NKAIN2: variants seen among roughly 807,000 people sequenced by gnomAD.
NKAIN2 encodes sodium/potassium-transporting ATPase subunit beta-1-interacting protein 2.
Under a neutral mutation model 32.6 loss-of-function variants are expected in NKAIN2, and 14 were observed. The ratio of observed to expected loss-of-function variants is 0.43; its 90% CI spans 0.28 to 0.67. The LOEUF (loss-of-function observed/expected upper bound fraction) is 0.67. Ranked by LOEUF, NKAIN2 falls within the 30% of genes least tolerant of loss-of-function variation. The probability of loss-of-function intolerance (pLI) is 0.17; values close to 1 mark genes in which losing one functional copy is unlikely to be tolerated. For missense variants in NKAIN2, 198 were observed against 258.3 expected (o/e 0.77, Z 1.60); for synonymous variants, 80 against 87.2 (o/e 0.92, Z 0.46).
At chr6:123,940,649 T>C (rs745787221) in intron 1 of NKAIN2, among the ~76,000 whole-genome samples, 3 of 152,012 alleles carry the variant, frequency 2.0e-5, no homozygotes, top group Non-Finnish European at 2.9e-5. Flanking sequence ...ACAGAAAAGC[T>C]ACAGGTAAAA....
intron 4 of NKAIN2, among the ~76,000 whole-genome samples, chr6:124,711,463 A>T (rs1350696459): frequency 1.3e-5 from 2 of 151,134 alleles, no homozygotes; most frequent in Non-Finnish European, 2.9e-5. Context: ...CACCAGTCAG[A>T]CACAGATTTG....
intron 4 of NKAIN2, among the ~76,000 whole-genome samples, chr6:124,754,610 G>T (rs570714852): frequency 8.5e-5 from 13 of 152,154 alleles, no homozygotes; most frequent in African/African-American, 3.1e-4. Flanking sequence ...CAGTCAGAAT[G>T]GCTATTACTA....
At chr6:124,434,124 C>T (rs1460207822) in intron 3 of NKAIN2, among the ~76,000 whole-genome samples, 1 of 152,138 alleles carries the variant, frequency 6.6e-6, no homozygotes, top group Admixed American at 6.6e-5. Context: ...CTGTGTTCTC[C>T]AGGAAAACAA....
chr6:124,103,398 A>G (rs904299654), intron 1 of NKAIN2, among the ~76,000 whole-genome samples: 8 of 152,086 alleles, frequency 5.3e-5, no homozygotes, highest in Non-Finnish European at 1.2e-4. Context: ...ACTATATAGC[A>G]GTCCTGTGCA....
chr6:124,151,234 A>T (rs1379087101), intron 1 of NKAIN2, among the ~76,000 whole-genome samples: 1 of 152,042 alleles, frequency 6.6e-6, no homozygotes, highest in Non-Finnish European at 1.5e-5. Flanking sequence ...TATTATTTCA[A>T]TATGAATTTA....
chr6:124,431,336 G>T (rs1223726494), intron 3 of NKAIN2, among the ~76,000 whole-genome samples: 2 of 152,056 alleles, frequency 1.3e-5, no homozygotes, highest in Non-Finnish European at 2.9e-5. Flanking sequence ...TCAGAAAAAT[G>T]ACTGAAACTA....
At chr6:124,481,115 C>A (rs1777428632) in intron 3 of NKAIN2, among the ~76,000 whole-genome samples, 1 of 150,814 alleles carries the variant, frequency 6.6e-6, no homozygotes, top group South Asian at 2.1e-4. Context: ...GATCTTAAAG[C>A]AACATCTTAA....
intron 1 of NKAIN2, among the ~76,000 whole-genome samples, chr6:123,943,115 A>G (rs1319082882): frequency 1.3e-5 from 2 of 152,054 alleles, no homozygotes; most frequent in East Asian, 1.9e-4. Flanking sequence ...CGTTTCTATC[A>G]AGAGTAGTTG....
intron 3 of NKAIN2, among the ~76,000 whole-genome samples, chr6:124,585,822 CTA>C (rs1203126444): frequency 3.9e-5 from 6 of 152,028 alleles, no homozygotes; most frequent in Admixed American, 6.6e-5. Context: ...TAGTGAACAA[CTA>C]TGTGAGTTTT....
At chr6:124,404,917 T>C (rs1057360528) in intron 3 of NKAIN2, among the ~76,000 whole-genome samples, 10 of 152,174 alleles carry the variant, frequency 6.6e-5, no homozygotes, top group African/African-American at 2.4e-4. Context: ...TATCTTCCCA[T>C]TGCAATGTTA....
At chr6:124,180,139 A>G (rs1789366315) in intron 1 of NKAIN2, among the ~76,000 whole-genome samples, 1 of 151,886 alleles carries the variant, frequency 6.6e-6, no homozygotes, top group Admixed American at 6.6e-5. Context: ...ATGTATCCAG[A>G]TAGATAGATA....
rs192645789 is a variant in NKAIN2, at chr6:124,147,623, C to T, written c.55-135382C>T. 7.6e-4 allele frequency among the ~76,000 whole-genome samples: 115 copies of T among 151,934 alleles called. 1 individual carries two copies. The highest frequency in any genetic ancestry group is 2.5e-3 in the African/African-American group (102 of 41,462). On this transcript the variant is annotated intron_variant, in intron 1 of 6. Coordinates refer to ENST00000368417, the MANE Select transcript of NKAIN2 (RefSeq NM_001040214.3). ...ATGTCTTCAACAAAAAAAAAGCCCA[C>T]GAAAAAACAAAAACAAAAAAACTGA...
At chr6:123,858,276 T>A (rs1238544475) in intron 1 of NKAIN2, among the ~76,000 whole-genome samples, 1 of 151,900 alleles carries the variant, frequency 6.6e-6, no homozygotes, top group African/African-American at 2.4e-5. Flanking sequence ...CCACCACACC[T>A]GGCTAATTTT....
chr6:124,574,921 C>A (rs1781272023), intron 3 of NKAIN2, among the ~76,000 whole-genome samples: 1 of 152,184 alleles, frequency 6.6e-6, no homozygotes, highest in Admixed American at 6.5e-5. Context: ...TACATTCATT[C>A]AGAATATCTC....
chr6:124,295,608 T>C (rs941100138), intron 2 of NKAIN2, among the ~76,000 whole-genome samples: 1 of 152,154 alleles, frequency 6.6e-6, no homozygotes, highest in Admixed American at 6.6e-5. Context: ...AAAATCCTAA[T>C]TTTATTTAAG....
At chr6:124,687,969 T>G (rs968314754) in intron 4 of NKAIN2, among the ~76,000 whole-genome samples, 3 of 151,866 alleles carry the variant, frequency 2.0e-5, no homozygotes, top group Non-Finnish European at 4.4e-5. Flanking sequence ...CTTCTTCATT[T>G]TTTGCTTCCA....
chr6:124,555,292 C>A (rs901633572), intron 3 of NKAIN2, among the ~76,000 whole-genome samples: 13 of 151,494 alleles, frequency 8.6e-5, no homozygotes, highest in African/African-American at 3.2e-4. Flanking sequence ...CTGAGCCTAT[C>A]AAACACCTAT....
At chr6:124,045,030 G>T (rs1245100768) in intron 1 of NKAIN2, among the ~76,000 whole-genome samples, 1 of 151,866 alleles carries the variant, frequency 6.6e-6, no homozygotes, top group Non-Finnish European at 1.5e-5. Flanking sequence ...TTTGTGCTTG[G>T]AATTATTCAG....
chr6:124,714,650 G>C (rs1028910159), intron 4 of NKAIN2, among the ~76,000 whole-genome samples: 5 of 152,208 alleles, frequency 3.3e-5, no homozygotes, highest in Non-Finnish European at 5.9e-5. Context: ...GTCTAAAGAA[G>C]AAAGTGGTGT....
Sources: allele counts gnomAD v4.1 joint callset (sites outside exome capture counted in the v4.1 genomes callset), GRCh38; gene constraint gnomAD v4.1.1; transcripts MANE v1.5; gene names NCBI Gene and HGNC (gene_info 2026-07-23, HGNC 2026-07-21).